The following TIAM1 variants were observed in gnomAD, a reference collection of about 807,000 sequenced individuals.
TIAM1 encodes the protein rho guanine nucleotide exchange factor TIAM1.
Under a neutral mutation model 163.5 loss-of-function variants are expected in TIAM1, and 65 were observed. That is an observed-to-expected ratio of 0.40 (90% confidence interval 0.33 to 0.49). TIAM1 has a LOEUF of 0.49. TIAM1 is among the 20% of genes least tolerant of loss of function. The probability of loss-of-function intolerance (pLI) is 0.77; values close to 1 mark genes in which losing one functional copy is unlikely to be tolerated. For missense variants in TIAM1, 1,789 were observed against 2,044.7 expected (o/e 0.87, Z 2.41); for synonymous variants, 833 against 810.1 (o/e 1.03, Z -0.48).
intron 2 of TIAM1, among the ~76,000 whole-genome samples, chr21:31,457,429 A>G (rs1323181691): frequency 6.6e-6 from 1 of 152,228 alleles, no homozygotes; most frequent in Non-Finnish European, 1.5e-5. Context: ...AGGTCCCTCA[A>G]GATTCCTTCC....
At chr21:31,426,199 A>G (rs1359506784) in intron 2 of TIAM1, among the ~76,000 whole-genome samples, 1 of 152,026 alleles carries the variant, frequency 6.6e-6, no homozygotes, top group South Asian at 2.1e-4. Flanking sequence ...TGAGTCCCCA[A>G]AGTCCATTGT....
chr21:31,518,874 G>T (rs1419474754), intron 1 of TIAM1, among the ~76,000 whole-genome samples: 1 of 152,152 alleles, frequency 6.6e-6, no homozygotes, highest in African/African-American at 2.4e-5. Context: ...AATCACCCTG[G>T]TAACATTGTT....
chr21:31,121,615 T>C (rs973697353), intron 27 of TIAM1, among the ~76,000 whole-genome samples: 15 of 152,192 alleles, frequency 9.9e-5, no homozygotes, highest in African/African-American at 3.6e-4. Context: ...TGTGTATCAC[T>C]CATTCTTCTC....
At chr21:31,451,454 G>A (rs1254412621) in intron 2 of TIAM1, among the ~76,000 whole-genome samples, 2 of 152,184 alleles carry the variant, frequency 1.3e-5, no homozygotes, top group Non-Finnish European at 2.9e-5. Flanking sequence ...ACATGACTGA[G>A]TAATCCAATT....
intron 2 of TIAM1, among the ~76,000 whole-genome samples, chr21:31,327,169 C>G (rs2147051428): frequency 6.6e-6 from 1 of 152,278 alleles, no homozygotes; most frequent in South Asian, 2.1e-4. Context: ...AAGGGGGCAA[C>G]ACAGAGCATG....
intron 2 of TIAM1, among the ~76,000 whole-genome samples, chr21:31,281,331 T>C (rs2146877556): frequency 6.6e-6 from 1 of 152,282 alleles, no homozygotes; most frequent in Non-Finnish European, 1.5e-5. Flanking sequence ...ATTATTTGTC[T>C]TATCAATACT....
chr21:31,298,735 G>GGTGT (rs147701527), intron 2 of TIAM1, among the ~76,000 whole-genome samples: 15,488 of 138,472 alleles, frequency 0.11, 972 homozygotes, highest in East Asian at 0.3. Context: ...TCCAATTGAG[G>GGTGT]GTGTGTGTGT....
intron 1 of TIAM1, among the ~76,000 whole-genome samples, chr21:31,515,958 A>C (rs1285142008): frequency 1.3e-5 from 2 of 151,204 alleles, no homozygotes; most frequent in Admixed American, 6.6e-5. Context: ...AAATAGAAAA[A>C]TTAGCTGGGT....
chr21:31,326,294 C>T lies in TIAM1; in HGVS notation c.-189+12949G>A, dbSNP rs192812389. On this transcript the variant is annotated intron_variant, in intron 2 of 27. Coordinates refer to ENST00000541036, the MANE Select transcript of TIAM1 (RefSeq NM_001353694.2). ...CAAAGTTATGGTCCTCTCCTGTCTTCCTGTTGTCCCAGCTCACCTGAGAGA... is the reference window on the plus strand; with the variant it reads ...CAAAGTTATGGTCCTCTCCTGTCTTTCTGTTGTCCCAGCTCACCTGAGAGA... Among the ~76,000 whole-genome samples the T allele has an allele frequency of 5.1e-3, 776 of 152,330 alleles. 6 individuals are homozygous for T. The highest frequency in any genetic ancestry group is 0.029 in the South Asian group (139 of 4,826).
intron 1 of TIAM1, among the ~76,000 whole-genome samples, chr21:31,525,788 C>G (rs1051043645): frequency 7.9e-5 from 12 of 152,086 alleles, no homozygotes; most frequent in Admixed American, 7.2e-4. Context: ...AACCCCAGCA[C>G]TTTGGAAGGC....
intron 1 of TIAM1, among the ~76,000 whole-genome samples, chr21:31,496,468 A>T (rs1052035696): frequency 6.6e-6 from 1 of 151,682 alleles, no homozygotes; most frequent in Admixed American, 6.6e-5. Context: ...TCAAAAAAAA[A>T]AAAAAAAAAA....
chr21:31,300,009 T>C (rs1002325235), intron 2 of TIAM1, among the ~76,000 whole-genome samples: 20 of 152,166 alleles, frequency 1.3e-4, no homozygotes, highest in African/African-American at 4.6e-4. Context: ...CCAAATCTCA[T>C]ATTGAAATGT....
chr21:31,423,700 T>TAAAAAAAAA (rs200137644), intron 2 of TIAM1, among the ~76,000 whole-genome samples: 13 of 48,224 alleles, frequency 2.7e-4, no homozygotes, highest in African/African-American at 1.0e-3. Flanking sequence ...TAGAAAGTTG[T>TAAAAAAAAA]AAAAAAAAAA....
intron 11 of TIAM1, 102 bp from the exon 12 acceptor site, chr21:31,203,114 T>TTTGTTG (rs370954256): frequency 5.7e-5 from 55 of 967,234 alleles, no homozygotes; most frequent in Non-Finnish European, 8.2e-5. Flanking sequence ...ACCAATAGAG[T>TTTGTTG]TTGTTGTTGT....
At chr21:31,513,318 A>G (rs993213034) in intron 1 of TIAM1, among the ~76,000 whole-genome samples, 1 of 152,194 alleles carries the variant, frequency 6.6e-6, no homozygotes, top group African/African-American at 2.4e-5. Flanking sequence ...CAGAGAAGCT[A>G]CCTGCCCAAA....
chr21:31,439,704 G>C (rs187744008), intron 2 of TIAM1, among the ~76,000 whole-genome samples: 1 of 152,294 alleles, frequency 6.6e-6, no homozygotes, highest in Non-Finnish European at 1.5e-5. Context: ...ATCCAAGCAC[G>C]CTGTACGCCA....
At chr21:31,325,560 C>T (rs892340315) in intron 2 of TIAM1, among the ~76,000 whole-genome samples, 2 of 150,836 alleles carry the variant, frequency 1.3e-5, no homozygotes, top group Non-Finnish European at 2.9e-5. Flanking sequence ...CCCAGCTACT[C>T]GGGAAGCTGA....
intron 1 of TIAM1, among the ~76,000 whole-genome samples, chr21:31,547,061 T>G (rs1047692959): frequency 3.3e-5 from 5 of 152,162 alleles, no homozygotes; most frequent in Non-Finnish European, 7.3e-5. Context: ...TTTCCTGACT[T>G]GGATGAGATT....
At chr21:31,507,075 CTAAG>C (rs1012448208) in intron 1 of TIAM1, among the ~76,000 whole-genome samples, 6 of 151,020 alleles carry the variant, frequency 4.0e-5, no homozygotes, top group Non-Finnish European at 8.8e-5. Flanking sequence ...AAATATCTCT[CTAAG>C]TGTCTGCTTT....
Sources: allele counts gnomAD v4.1 joint callset (sites outside exome capture counted in the v4.1 genomes callset), GRCh38; gene constraint gnomAD v4.1.1; transcripts MANE v1.5; gene names NCBI Gene and HGNC (gene_info 2026-07-23, HGNC 2026-07-21).